The following SHC3 variants were observed in gnomAD, a reference collection of about 807,000 sequenced individuals.
SHC3 encodes the protein SHC adaptor protein 3, also known as SHC-transforming protein 3.
A neutral mutation model predicts 60.4 loss-of-function variants in SHC3; 15 were observed. The ratio of observed to expected loss-of-function variants is 0.25; its 90% CI spans 0.17 to 0.38. The LOEUF (loss-of-function observed/expected upper bound fraction) is 0.38, where lower values mean the gene tolerates loss of function less well. Ranked by LOEUF, SHC3 falls within the 10% of genes least tolerant of loss-of-function variation. The probability of loss-of-function intolerance (pLI) is 1.00; values close to 1 mark genes in which losing one functional copy is unlikely to be tolerated. For missense variants in SHC3, 677 were observed against 786.1 expected (o/e 0.86, Z 1.66); for synonymous variants, 294 against 325.9 (o/e 0.90, Z 1.05).
intron 2 of SHC3, among the ~76,000 whole-genome samples, chr9:89,102,905 A>T (rs772842332): frequency 6.6e-6 from 1 of 152,220 alleles, no homozygotes; most frequent in Non-Finnish European, 1.5e-5. Context: ...AAGTCTCCAG[A>T]TGAATACGAA....
At chr9:89,083,366 G>A (rs528812947) in intron 2 of SHC3, among the ~76,000 whole-genome samples, 1 of 152,242 alleles carries the variant, frequency 6.6e-6, no homozygotes, top group Non-Finnish European at 1.5e-5. Context: ...AGACCAGGAA[G>A]GAGCACAGCA....
intron 1 of SHC3, among the ~76,000 whole-genome samples, chr9:89,117,267 C>T (rs1279370683): frequency 6.6e-6 from 1 of 152,210 alleles, no homozygotes; most frequent in Non-Finnish European, 1.5e-5. Flanking sequence ...GTCCTCTCAT[C>T]ACCCGGCATA....
chr9:89,006,262 A>T lies in SHC3; in HGVS notation c.*7185T>A, dbSNP rs1825938157. The T allele has an allele frequency of 6.6e-6, 1 of 152,198 alleles. No homozygotes were observed. 9.4% of individuals were successfully genotyped at this position (152,198 alleles called of 1,614,324 possible). ...AGGGCTAATGCTTGGAAACCACACCATTTCCTGACAGAGTGAAGGAATCCC... is the reference window on the plus strand; with the variant it reads ...AGGGCTAATGCTTGGAAACCACACCTTTTCCTGACAGAGTGAAGGAATCCC... On this transcript the variant is annotated 3_prime_UTR_variant, in exon 12 of 12. Coordinates refer to ENST00000375835, the MANE Select transcript of SHC3 (RefSeq NM_016848.6).
intron 7 of SHC3, among the ~76,000 whole-genome samples, chr9:89,051,142 A>G (rs1824855311): frequency 6.6e-6 from 1 of 152,326 alleles, no homozygotes; most frequent in East Asian, 1.9e-4. Context: ...ACAAAGGTAG[A>G]GTCTGACTCT....
At chr9:89,119,098 GGAGGTAGGTCCGGAACTGA>G (rs571229086) in intron 1 of SHC3, among the ~76,000 whole-genome samples, 18 of 152,150 alleles carry the variant, frequency 1.2e-4, no homozygotes, top group Non-Finnish European at 2.6e-4. Flanking sequence ...TCAGTTTTGT[GGAGGTAGGTCCGGAACTGA>G]GTAGTTCTAG....
chr9:89,042,128 C>G lies in SHC3; in HGVS notation c.1258G>C (p.Glu420Gln). Residue 420 changes from glutamate to glutamine, a missense_variant, in exon 10 of 12, where the codon GAA becomes CAA. Glu to Gln is a conservative substitution (Grantham distance 29). Coordinates refer to ENST00000375835, the MANE Select transcript of SHC3 (RefSeq NM_016848.6). Reference sequence around the variant, plus strand: ...TGAGTGTTGACGTAGGTGGGTGCTTCTCCCGTGGGGGCCACGTGCAGTTTC... The same window carrying G: ...TGAGTGTTGACGTAGGTGGGTGCTTGTCCCGTGGGGGCCACGTGCAGTTTC... Reference protein sequence around the residue: ...EGKLHVAPTGEAPTYVNTQQI... With the variant: ...EGKLHVAPTGQAPTYVNTQQI... 1 of 1,575,784 alleles carries G rather than the reference C, an allele frequency of 6.3e-7. No homozygotes were observed. The highest frequency in any genetic ancestry group is 8.6e-7 in the Non-Finnish European group (1 of 1,167,442).
At chr9:89,170,432 G>A (rs1012159041) in intron 1 of SHC3, among the ~76,000 whole-genome samples, 3 of 152,186 alleles carry the variant, frequency 2.0e-5, no homozygotes, top group Non-Finnish European at 2.9e-5. Context: ...GATCACTTGA[G>A]GCCAGGAGTT....
At chr9:89,018,981 C>CCTGGGAGATGGAGGCTG (rs1332382517) in intron 11 of SHC3, among the ~76,000 whole-genome samples, 3 of 151,222 alleles carry the variant, frequency 2.0e-5, no homozygotes, top group African/African-American at 7.3e-5. Flanking sequence ...GTCGCTTGAA[C>CCTGGGAGATGGAGGCTG]CTGGGAGATG....
chr9:89,041,433 C>A (rs1249582590), intron 10 of SHC3, among the ~76,000 whole-genome samples: 2 of 152,130 alleles, frequency 1.3e-5, no homozygotes, highest in East Asian at 3.9e-4. Flanking sequence ...TCCTGTATAT[C>A]TCCATCAAGT....
intron 11 of SHC3, among the ~76,000 whole-genome samples, chr9:89,024,085 C>A (rs1311507338): frequency 6.6e-6 from 1 of 152,064 alleles, no homozygotes; most frequent in Non-Finnish European, 1.5e-5. Context: ...CGTAAGTTAC[C>A]TGTAATGCAA....
At chr9:89,165,260 TTGTG>T (rs10626309) in intron 1 of SHC3, among the ~76,000 whole-genome samples, 44 of 148,624 alleles carry the variant, frequency 3.0e-4, no homozygotes, top group South Asian at 1.1e-3. Flanking sequence ...AAAGACGTGT[TTGTG>T]TGTGTGTGTG....
chr9:89,035,858 T>TATATATA (rs1227111803), intron 11 of SHC3, among the ~76,000 whole-genome samples: 33 of 88,710 alleles, frequency 3.7e-4, no homozygotes, highest in Admixed American at 1.5e-3. Context: ...TAGATGTGTG[T>TATATATA]GTGTGTGTGT....
intron 2 of SHC3, chr9:89,109,627 G>T: frequency 1.0e-6 from 1 of 985,454 alleles, no homozygotes; most frequent in Non-Finnish European, 1.2e-6. Flanking sequence ...ATCTTGTCTG[G>T]CCTGCTCTCC....
rs561078868 is a variant in SHC3 at position 89,124,407 on chromosome 9, T to A, written c.475-11781A>T. 9.8e-4 allele frequency among the ~76,000 whole-genome samples: 150 copies of A among 152,306 alleles called. 2 individuals carry two copies. In the South Asian group the frequency reaches 0.03, roughly 30 times the overall value. ...TGCACAAGTATGTTTACTGCAGCAC[T>A]ATTTACAATAGCAAAGACTTGGAAC... On this transcript the variant is annotated intron_variant, in intron 1 of 11. Transcript: ENST00000375835.
chr9:89,142,797 G>A (rs10867154), intron 1 of SHC3, among the ~76,000 whole-genome samples: 34,563 of 151,790 alleles, frequency 0.23, 4,100 homozygotes, highest in African/African-American at 0.28. Context: ...CACACCACTT[G>A]CCCAAAGTCA....
Position 89,042,035 on chromosome 9 carries a change from A to G in SHC3, c.1351T>C (p.Phe451Leu). 1 of 1,613,910 alleles carries G rather than the reference A, an allele frequency of 6.2e-7. No individual in the cohort carries two copies. Among genetic ancestry groups the G allele is most frequent in the Admixed American group, 1.7e-5 (1 of 59,946 alleles). ...ACAAACAGAAACCCACTCATGTCAA[A>G]GAGGTCTTTCCTTGGGCTGCTCTCA... ...SAESSPRKDL[F>L]DMKPFEDALK... The change falls in exon 10 of 12, where the codon TTT becomes CTT. Residue 451 changes from phenylalanine (F) to leucine (L), a missense_variant. Physicochemically the swap from Phe to Leu is conservative, Grantham distance 22 (BLOSUM62 0). Coordinates refer to ENST00000375835, the MANE Select transcript of SHC3 (RefSeq NM_016848.6).
At chr9:89,096,894 A>T (rs894222907) in intron 2 of SHC3, among the ~76,000 whole-genome samples, 5 of 152,182 alleles carry the variant, frequency 3.3e-5, no homozygotes, top group African/African-American at 7.2e-5. Flanking sequence ...AGAGAGCAAG[A>T]CAGAATGGGC....
chr9:89,092,374 T>C (rs1429596366), intron 2 of SHC3, among the ~76,000 whole-genome samples: 1 of 152,078 alleles, frequency 6.6e-6, no homozygotes, highest in Non-Finnish European at 1.5e-5. Context: ...TCCCAGCACT[T>C]TGGGAGGCCG....
intron 2 of SHC3, among the ~76,000 whole-genome samples, chr9:89,078,951 C>T (rs761827972): frequency 2.6e-5 from 4 of 152,126 alleles, no homozygotes; most frequent in South Asian, 2.1e-4. Flanking sequence ...ACCATGTGGA[C>T]GAAAAATAAT....
Sources: gnomAD v4.1 joint callset for allele counts (sites outside exome capture counted in the v4.1 genomes callset) on GRCh38, gnomAD v4.1.1 for gene constraint, MANE v1.5 for transcripts, NCBI Gene and HGNC (gene_info 2026-07-23, HGNC 2026-07-21) for gene names.